Variants in SURF1 observed in about 807,000 individuals in gnomAD.
The protein encoded by SURF1 is SURF1 cytochrome c oxidase assembly factor.
Under a neutral mutation model 34.1 loss-of-function variants are expected in SURF1, and 45 were observed. The ratio of observed to expected loss-of-function variants is 1.32; its 90% CI spans 1.04 to 1.69. SURF1 has a LOEUF of 1.69. Among genes scored for constraint, SURF1 ranks in the 40% most tolerant of loss-of-function variants. The pLI is 0.00. For synonymous variants in SURF1, 188 were observed against 147.5 expected (o/e 1.27, Z -1.99); for missense variants, 456 against 384.6 (o/e 1.19, Z -1.55).
Position 133,351,834 on chromosome 9 carries a change from A to G in SURF1, c.*79T>C. ...TTAAGGTAGAAGGCCAGAACTTTAT[A>G]CCAGTAGCACATGATCCAGCATAAA... On this transcript the variant is annotated 3_prime_UTR_variant, in exon 9 of 9. Coordinates refer to ENST00000371974, the MANE Select transcript of SURF1 (RefSeq NM_003172.4). 1 of 1,470,084 alleles carries G rather than the reference A, an allele frequency of 6.8e-7. No individual in the cohort carries two copies. Among genetic ancestry groups the G allele is most frequent in the African/African-American group, 1.4e-5 (1 of 72,440 alleles). The allele number at this position is 1,470,084 out of a possible 1,614,324, so 91.1% of individuals were successfully genotyped here.
chr9:133,354,730 C>A lies in SURF1; in HGVS notation c.252G>T (p.Arg84=), dbSNP rs1354880777. ...FGLGTWQVQR[R]KWKLNLIAEL... is the part of the protein sequence containing the mutation. ...CTGCAATCAGGTTCAGCTTCCACTT[C>A]CGACGCTGGACCTACAGTGACAGAG... The change falls in exon 4 of 9, where the codon CGG becomes CGT. Residue 84 remains arginine (R), a synonymous_variant. Transcript: ENST00000371974. 7.4e-6 allele frequency: 12 copies of A among 1,613,566 alleles called. No individual in the cohort carries two copies. The highest frequency in any genetic ancestry group is 1.0e-5 in the Non-Finnish European group (12 of 1,180,024).
chr9:133,353,667 G>T (rs1157166159), intron 5 of SURF1, 82 bp downstream of exon 5: 1 of 1,540,134 alleles, frequency 6.5e-7, no homozygotes, highest in Admixed American at 1.7e-5. Context: ...CAAGGTTGGG[G>T]ATTGTGAAGG....
Position 133,354,266 on chromosome 9 carries a change from T to C in SURF1, c.324-326A>G, listed in dbSNP as rs1334282817. ...TGGAAAATGTGGCTGAATATACCTA[T>C]CTCTGTAGGGCATATTCTAGGGAGA... On this transcript the variant is annotated intron_variant, in intron 4 of 8. Transcript: ENST00000371974. 3 of 499,562 alleles carry C rather than the reference T, an allele frequency of 6.0e-6. No homozygotes were observed. In the Admixed American group the frequency reaches 9.7e-5, roughly 16 times the overall value. 30.9% of individuals were successfully genotyped at this position (499,562 alleles called of 1,614,324 possible).
intron 2 of SURF1, chr9:133,356,045 G>A (rs1450028567): frequency 1.6e-6 from 1 of 613,122 alleles, no homozygotes; most frequent in Non-Finnish European, 2.9e-6. Context: ...AACGACCAAG[G>A]AGCTACCTCT....
chr9:133,353,715 G>C (rs2130014001), intron 5 of SURF1, 34 bp downstream of exon 5: 1 of 1,611,918 alleles, frequency 6.2e-7, no homozygotes, highest in Non-Finnish European at 8.5e-7. Flanking sequence ...GACTGCCTCT[G>C]CCAGGACAGC....
chr9:133,354,629 C>T (rs1210121088), intron 4 of SURF1, 30 bp downstream of exon 4: 1 of 1,611,206 alleles, frequency 6.2e-7, no homozygotes, highest in East Asian at 2.2e-5. Context: ...TCAAGTAAAA[C>T]AGGCCCTAGG....
intron 2 of SURF1, chr9:133,356,067 G>A (rs1414506636): frequency 2.3e-5 from 16 of 704,206 alleles, no homozygotes; most frequent in Non-Finnish European, 3.8e-5. Context: ...GCGTTGTGAG[G>A]ACAAAGCGCT....
intron 2 of SURF1, 73 bp from the exon 3 acceptor site, chr9:133,355,030 C>G: frequency 6.3e-7 from 1 of 1,596,468 alleles, no homozygotes; most frequent in East Asian, 2.2e-5. Flanking sequence ...CGTTCCAAGA[C>G]AGACTCCAGT....
chr9:133,354,318 T>A, intron 4 of SURF1: 1 of 487,204 alleles, frequency 2.1e-6, no homozygotes, highest in Middle Eastern at 5.8e-4. Context: ...CAGGGCACTT[T>A]TTCAAACGAC....
At chr9:133,356,000 C>T (rs1836571984) in intron 2 of SURF1, 1 of 561,866 alleles carries the variant, frequency 1.8e-6, no homozygotes, top group Non-Finnish European at 3.2e-6. Flanking sequence ...ATGGGACGTT[C>T]GGAAGTAACT....
chr9:133,356,155 G>A (rs1006087323), intron 2 of SURF1, 114 bp downstream of exon 2: 2 of 1,373,486 alleles, frequency 1.5e-6, no homozygotes, highest in Non-Finnish European at 1.0e-6. Flanking sequence ...GGGAGCCTCC[G>A]CTCAGCCGGC....
In SURF1 at chr9:133,353,721, A is replaced by C. The variant is rs2130014041; in HGVS notation, c.515+28T>G. On this transcript the variant is annotated intron_variant, in intron 5 of 8. Coordinates refer to ENST00000371974, the MANE Select transcript of SURF1 (RefSeq NM_003172.4). The stretch of plus-strand genomic sequence containing the variant: ...GTATACCCTGACTGCCTCTGCCAGG[A>C]CAGCCAGCTCCCACATGTCCTACTC... 7 of 1,612,924 alleles carry C rather than the reference A, an allele frequency of 4.3e-6. No individual in the cohort carries two copies. The Admixed American group carries it at 1.2e-4, about 27-fold the overall frequency.
In SURF1 at chr9:133,352,693, C is replaced by T. The variant is rs1219762677; in HGVS notation, c.588+1G>A. On this transcript the variant is annotated splice_donor_variant, in intron 6 of 8. Coordinates refer to ENST00000371974, the MANE Select transcript of SURF1 (RefSeq NM_003172.4). LOFTEE classifies it high-confidence loss of function. ...AAGTAGGAAGAGTCCATGTCCCTTA[C>T]CTGGCCTTTCTGCCGGGTTTCAGGA... is the stretch of plus-strand genomic sequence containing the variant. 4 of 1,613,648 alleles carry T rather than the reference C, an allele frequency of 2.5e-6. No homozygotes were observed. The highest frequency in any genetic ancestry group is 3.4e-6 in the Non-Finnish European group (4 of 1,179,854).
At chr9:133,354,601 A>G in intron 4 of SURF1, 58 bp downstream of exon 4, 1 of 1,590,924 alleles carries the variant, frequency 6.3e-7, no homozygotes. Context: ...AGCAGAAGCC[A>G]GGGCTCTGCT....
chr9:133,353,373 C>T (rs2130013048), intron 5 of SURF1, among the ~76,000 whole-genome samples: 5 of 152,294 alleles, frequency 3.3e-5, no homozygotes, highest in African/African-American at 1.2e-4. Flanking sequence ...TAGGGAGCCA[C>T]CCCTGCCTCC....
At chr9:133,355,370 G>C (rs1344030003) in intron 2 of SURF1, among the ~76,000 whole-genome samples, 3 of 152,198 alleles carry the variant, frequency 2.0e-5, no homozygotes, top group Admixed American at 6.5e-5. Flanking sequence ...CACGAGATCA[G>C]GAGTTCGAGA....
intron 2 of SURF1, among the ~76,000 whole-genome samples, chr9:133,355,284 T>C (rs1250974120): frequency 6.6e-6 from 1 of 152,206 alleles, no homozygotes; most frequent in Non-Finnish European, 1.5e-5. Flanking sequence ...ATGCATTTAA[T>C]AAGCAGCTAC....
At chr9:133,355,351 C>T (rs2130021436) in intron 2 of SURF1, among the ~76,000 whole-genome samples, 7 of 152,264 alleles carry the variant, frequency 4.6e-5, no homozygotes, top group African/African-American at 1.4e-4. Context: ...GAGGCCAAGG[C>T]GGGCGGATCA....
chr9:133,351,830 T>TTA lies in SURF1; in HGVS notation c.*81_*82dup. On this transcript the variant is annotated 3_prime_UTR_variant, in exon 9 of 9. Coordinates refer to ENST00000371974, the MANE Select transcript of SURF1 (RefSeq NM_003172.4). Reference sequence around the variant, plus strand: ...TCATTTAAGGTAGAAGGCCAGAACTTTATACCAGTAGCACATGATCCAGCA... The same window carrying TTA: ...TCATTTAAGGTAGAAGGCCAGAACTTTATATACCAGTAGCACATGATCCAGCA... 1 of 1,467,360 alleles carries TTA rather than the reference T, an allele frequency of 6.8e-7. No individual in the cohort carries two copies. The highest frequency in any genetic ancestry group is 2.3e-5 in the East Asian group (1 of 42,918). 90.9% of individuals were successfully genotyped at this position (1,467,360 alleles called of 1,614,324 possible). A position where few individuals can be genotyped will look rare whatever the true frequency, so the allele number is the denominator to read the frequency against.
Sources: gnomAD v4.1 joint callset for allele counts (sites outside exome capture counted in the v4.1 genomes callset) on GRCh38, gnomAD v4.1.1 for gene constraint, MANE v1.5 for transcripts, NCBI Gene and HGNC (gene_info 2026-07-23, HGNC 2026-07-21) for gene names.